The following MAN1C1 variants were observed in gnomAD, a reference collection of about 807,000 sequenced individuals.
MAN1C1 encodes the protein mannosyl-oligosaccharide 1,2-alpha-mannosidase IC.
MAN1C1 carries 49 observed loss-of-function variants against 71.5 expected under a neutral mutation model. The observed-to-expected ratio is 0.69, with a 90% CI of 0.54 to 0.87. The LOEUF (loss-of-function observed/expected upper bound fraction) is 0.87. MAN1C1 is among the 40% of genes least tolerant of loss of function. The pLI is 0.00. For missense variants in MAN1C1, 743 were observed against 835.0 expected (o/e 0.89, Z 1.36); for synonymous variants, 352 against 343.7 (o/e 1.02, Z -0.27).
rs961121954 is a variant in MAN1C1, at chr1:25,735,538, GTATGTATA to G, written c.638-11118_638-11111del. ...TGTATATATATGTGTATGTATATGT[GTATGTATA>G]TATGTATATATATGACATAGGACTG... On this transcript the variant is annotated intron_variant, in intron 2 of 11. Coordinates refer to ENST00000374332, the MANE Select transcript of MAN1C1 (RefSeq NM_020379.4). This position sits in a 1 kb window ranked among gnomAD's most constrained non-coding sequence, Gnocchi z 4.6. 2.0e-5 allele frequency among the ~76,000 whole-genome samples: 3 copies of G among 152,148 alleles called. No individual in the cohort carries two copies. Among genetic ancestry groups the G allele is most frequent in the Non-Finnish European group, 4.4e-5 (3 of 68,036 alleles).
chr1:25,699,305 TAAAAAA>T (rs778292367), intron 2 of MAN1C1, among the ~76,000 whole-genome samples: 8 of 124,200 alleles, frequency 6.4e-5, no homozygotes, highest in African/African-American at 2.3e-4. Context: ...CATCTTAAAT[TAAAAAA>T]AAAAAAAAAA....
chr1:25,640,888 G>C (rs900219751), intron 1 of MAN1C1, among the ~76,000 whole-genome samples: 1 of 152,192 alleles, frequency 6.6e-6, no homozygotes, highest in Non-Finnish European at 1.5e-5. Flanking sequence ...AGCCAAGGGA[G>C]ACCAACATTA....
At chr1:25,684,868 C>T (rs1028463647) in intron 1 of MAN1C1, among the ~76,000 whole-genome samples, 1 of 152,236 alleles carries the variant, frequency 6.6e-6, no homozygotes, top group African/African-American at 2.4e-5. Context: ...ATTGGTGCTT[C>T]TCACATGTGG....
intron 1 of MAN1C1, among the ~76,000 whole-genome samples, chr1:25,629,004 A>G (rs925746397): frequency 9.2e-5 from 14 of 152,158 alleles, no homozygotes; most frequent in African/African-American, 2.9e-4. Flanking sequence ...GCCAATGGAC[A>G]CTTAGGTTGG....
intron 1 of MAN1C1, among the ~76,000 whole-genome samples, chr1:25,662,222 G>A (rs775488658): frequency 8.5e-5 from 13 of 152,228 alleles, no homozygotes; most frequent in Non-Finnish European, 1.5e-4. Flanking sequence ...CCTGGCATGA[G>A]GAAATGCTCA....
At chr1:25,783,599 C>G (rs2047726963) in intron 11 of MAN1C1, 64 bp from the exon 12 acceptor site, 3 of 1,577,898 alleles carry the variant, frequency 1.9e-6, no homozygotes, top group Admixed American at 1.7e-5. Context: ...GTTCCCAGGC[C>G]CACCCTTCTT....
chr1:25,747,056 T>C (rs1228674839), intron 3 of MAN1C1, among the ~76,000 whole-genome samples: 1 of 152,174 alleles, frequency 6.6e-6, no homozygotes, highest in Non-Finnish European at 1.5e-5. Flanking sequence ...AGGTCAGTCA[T>C]TGCTCATCTG....
intron 8 of MAN1C1, among the ~76,000 whole-genome samples, chr1:25,773,242 T>G (rs2047577531): frequency 8.1e-6 from 1 of 123,372 alleles, no homozygotes; most frequent in Admixed American, 9.2e-5. Flanking sequence ...GAAGGATGGA[T>G]GGAGGGAAGG....
chr1:25,687,969 T>C (rs2046257983), intron 2 of MAN1C1, among the ~76,000 whole-genome samples: 1 of 152,216 alleles, frequency 6.6e-6, no homozygotes, highest in Non-Finnish European at 1.5e-5. Flanking sequence ...TTTGACTTCA[T>C]GTTATATCGT....
intron 1 of MAN1C1, among the ~76,000 whole-genome samples, chr1:25,677,617 A>G (rs2046088134): frequency 6.6e-6 from 1 of 151,988 alleles, no homozygotes; most frequent in Non-Finnish European, 1.5e-5. Context: ...GCCCTGGCCC[A>G]TGTTTCTTAG....
At chr1:25,683,077 C>T (rs2046177724) in intron 1 of MAN1C1, among the ~76,000 whole-genome samples, 1 of 151,984 alleles carries the variant, frequency 6.6e-6, no homozygotes, top group Admixed American at 6.6e-5. Context: ...AGGAACTTCC[C>T]AGGAGACCTT....
chr1:25,625,863 T>C (rs866895261), intron 1 of MAN1C1, among the ~76,000 whole-genome samples: 1 of 152,314 alleles, frequency 6.6e-6, no homozygotes. Flanking sequence ...GTACAGTCCA[T>C]GCCCTGTGGA....
At chr1:25,665,360 G>A (rs768946180) in intron 1 of MAN1C1, among the ~76,000 whole-genome samples, 13 of 152,114 alleles carry the variant, frequency 8.5e-5, no homozygotes, top group Non-Finnish European at 1.6e-4. Flanking sequence ...AGAATTGAGA[G>A]TGCCCAATCT....
In MAN1C1 at chr1:25,783,803, C is replaced by T. The variant is rs372195494; in HGVS notation, c.*14C>T. 8.1e-5 allele frequency: 130 copies of T among 1,607,024 alleles called. 1 individual carries two copies. Among genetic ancestry groups the T allele is most frequent in the Admixed American group, 3.8e-4 (23 of 59,964 alleles). ...GGCAGACACTGACCCCATCTCCTGCCGCCGCCCTGGGGCCGCCGCAGGGAT... is the reference window on the plus strand; with the variant it reads ...GGCAGACACTGACCCCATCTCCTGCTGCCGCCCTGGGGCCGCCGCAGGGAT... On this transcript the variant is annotated 3_prime_UTR_variant, in exon 12 of 12. Coordinates refer to ENST00000374332, the MANE Select transcript of MAN1C1 (RefSeq NM_020379.4).
intron 1 of MAN1C1, among the ~76,000 whole-genome samples, chr1:25,665,855 C>CTT (rs757054975): frequency 0.19 from 17,992 of 96,738 alleles, 2,159 homozygotes; most frequent in East Asian, 0.29. Flanking sequence ...TTGGCATTGG[C>CTT]TTTTTTTTTT....
intron 2 of MAN1C1, among the ~76,000 whole-genome samples, chr1:25,693,439 G>T (rs554890043): frequency 6.6e-6 from 1 of 152,128 alleles, no homozygotes; most frequent in Non-Finnish European, 1.5e-5. Context: ...AAACCAGCCT[G>T]GCCAACATGG....
chr1:25,737,483 G>T (rs941172593), intron 2 of MAN1C1, among the ~76,000 whole-genome samples: 2 of 152,230 alleles, frequency 1.3e-5, no homozygotes, highest in Non-Finnish European at 2.9e-5. Context: ...CTGGTAAAGT[G>T]TTGGAGAGCC....
At chr1:25,740,419 T>TTTGTTG (rs377520036) in intron 2 of MAN1C1, among the ~76,000 whole-genome samples, 2 of 151,526 alleles carry the variant, frequency 1.3e-5, no homozygotes, top group Non-Finnish European at 2.9e-5. Flanking sequence ...GACTTGAATT[T>TTTGTTG]TTGTTGTTGT....
intron 2 of MAN1C1, among the ~76,000 whole-genome samples, chr1:25,688,628 C>T (rs1204128895): frequency 1.3e-5 from 2 of 152,164 alleles, no homozygotes; most frequent in African/African-American, 4.8e-5. Flanking sequence ...ATGCTTGAGC[C>T]GTCTGGAATG....
Sources: allele counts gnomAD v4.1 joint callset (sites outside exome capture counted in the v4.1 genomes callset), GRCh38; gene constraint gnomAD v4.1.1; non-coding constraint Gnocchi (gnomAD v3.1); transcripts MANE v1.5; gene names NCBI Gene and HGNC (gene_info 2026-07-23, HGNC 2026-07-21).